Variants in KCNH1 observed in about 807,000 individuals in gnomAD.
The protein encoded by KCNH1 is potassium voltage-gated channel subfamily H member 1, also known as voltage-gated delayed rectifier potassium channel KCNH1.
Under a neutral mutation model 69.2 loss-of-function variants are expected in KCNH1, and 27 were observed. The observed-to-expected ratio is 0.39, with a 90% CI of 0.29 to 0.54. The LOEUF (loss-of-function observed/expected upper bound fraction) is 0.54. Among genes scored for constraint, KCNH1 ranks in the 20% least tolerant of loss-of-function variants. The pLI is 0.68. For synonymous variants in KCNH1, 456 were observed against 487.7 expected (o/e 0.93, Z 0.86); for missense variants, 798 against 1,261.6 (o/e 0.63, Z 5.57).
At chr1:210,697,836 C>T (rs559554042) in intron 10 of KCNH1, among the ~76,000 whole-genome samples, 15 of 152,376 alleles carry the variant, frequency 9.8e-5, no homozygotes, top group African/African-American at 3.4e-4. Flanking sequence ...GCCCGGCAAT[C>T]CTTGTTCCTG....
At chr1:211,129,078 T>G (rs1691832436) in intron 1 of KCNH1, among the ~76,000 whole-genome samples, 1 of 152,156 alleles carries the variant, frequency 6.6e-6, no homozygotes, top group African/African-American at 2.4e-5. Context: ...ATGAATTGTA[T>G]AGCATGTCCC....
chr1:211,044,664 C>T (rs1690060308), intron 5 of KCNH1, among the ~76,000 whole-genome samples: 1 of 152,046 alleles, frequency 6.6e-6, no homozygotes, highest in African/African-American at 2.4e-5. Flanking sequence ...AAAAAATGCT[C>T]AACATCACTA....
chr1:210,790,897 C>G lies in KCNH1; in HGVS notation c.1915+6611G>C, dbSNP rs371363973. 3.3e-5 allele frequency among the ~76,000 whole-genome samples: 5 copies of G among 152,294 alleles called. No homozygotes were observed. The South Asian group carries it at 1.0e-3, about 32-fold the overall frequency. On this transcript the variant is annotated intron_variant, in intron 9 of 10. Coordinates refer to ENST00000271751, the MANE Select transcript of KCNH1 (RefSeq NM_172362.3). ...CCTTTAAACTCATCCATAGACTAGCCCTGATACGCTTCCCAAGCCCCATAT... is the reference window on the plus strand; with the variant it reads ...CCTTTAAACTCATCCATAGACTAGCGCTGATACGCTTCCCAAGCCCCATAT...
At chr1:211,035,237 T>C (rs1199952295) in intron 5 of KCNH1, among the ~76,000 whole-genome samples, 2 of 15,086 alleles carry the variant, frequency 1.3e-4, no homozygotes, top group Non-Finnish European at 2.4e-4. Context: ...ACTGGCATTC[T>C]TTTTTTTTTT....
At chr1:211,104,355 A>G (rs1691316779) in intron 2 of KCNH1, among the ~76,000 whole-genome samples, 1 of 151,662 alleles carries the variant, frequency 6.6e-6, no homozygotes, top group Admixed American at 6.6e-5. Context: ...TAGACCATAG[A>G]TTTTTTTCCT....
chr1:210,753,097 A>G (rs1683315151), intron 10 of KCNH1, among the ~76,000 whole-genome samples: 2 of 152,160 alleles, frequency 1.3e-5, no homozygotes, highest in African/African-American at 4.8e-5. Flanking sequence ...CAACACCTTG[A>G]TTTCTGACCT....
Position 210,932,615 on chromosome 1 carries a change from C to T in KCNH1, c.1033-12546G>A, listed in dbSNP as rs1018014597. ...CCAACTACATGCTACCTAAAAGAAA[C>T]TCACTTCACCTGTAAAAACACACAG... On this transcript the variant is annotated intron_variant, in intron 6 of 10. Coordinates refer to ENST00000271751, the MANE Select transcript of KCNH1 (RefSeq NM_172362.3). 3.3e-5 allele frequency among the ~76,000 whole-genome samples: 5 copies of T among 151,876 alleles called. No homozygotes were observed. In the East Asian group the frequency reaches 9.7e-4, roughly 29 times the overall value.
At chr1:210,944,141 C>T (rs1687919338) in intron 6 of KCNH1, among the ~76,000 whole-genome samples, 2 of 152,182 alleles carry the variant, frequency 1.3e-5, no homozygotes, top group Admixed American at 6.5e-5. Context: ...TCTGCAGTTC[C>T]CCCAACTCTT....
At chr1:211,052,455 A>G (rs1214972906) in intron 5 of KCNH1, among the ~76,000 whole-genome samples, 9 of 152,334 alleles carry the variant, frequency 5.9e-5, no homozygotes, top group Non-Finnish European at 1.5e-5. Context: ...CTCAAAACCC[A>G]GGTACTTACA....
chr1:210,705,695 T>C (rs1216985266), intron 10 of KCNH1, among the ~76,000 whole-genome samples: 4 of 152,190 alleles, frequency 2.6e-5, no homozygotes, highest in Non-Finnish European at 4.4e-5. Context: ...TCTCCTGATC[T>C]CTCCTTGGTC....
chr1:210,737,629 A>C (rs951445906), intron 10 of KCNH1, among the ~76,000 whole-genome samples: 14 of 152,092 alleles, frequency 9.2e-5, no homozygotes, highest in African/African-American at 3.4e-4. Flanking sequence ...CAATTCCTAC[A>C]TGCCCTCTCC....
chr1:211,019,083 C>T lies in KCNH1; in HGVS notation c.732G>A (p.Arg244=). The change falls in exon 6 of 11, where the codon AGG becomes AGA. Residue 244 remains arginine, a synonymous_variant. Coordinates refer to ENST00000271751, the MANE Select transcript of KCNH1 (RefSeq NM_172362.3). ...LVPYNVSFKT[R]QNNVAWLVVD... ...CAACCAGCCAGGCCACATTATTCTG[C>T]CTGGTTTTGAAGGAGACATTATAAG... 3 of 1,613,956 alleles carry T rather than the reference C, an allele frequency of 1.9e-6. No individual in the cohort carries two copies. Among genetic ancestry groups the T allele is most frequent in the Non-Finnish European group, 2.5e-6 (3 of 1,179,950 alleles).
intron 3 of KCNH1, among the ~76,000 whole-genome samples, chr1:211,101,156 C>T (rs1239597653): frequency 2.0e-5 from 3 of 152,194 alleles, no homozygotes; most frequent in Non-Finnish European, 2.9e-5. Context: ...ACCATCAAAG[C>T]CCTTATGGCT....
chr1:210,723,366 A>G (rs1057467043), intron 10 of KCNH1, among the ~76,000 whole-genome samples: 1 of 152,128 alleles, frequency 6.6e-6, no homozygotes, highest in African/African-American at 2.4e-5. Context: ...CATGGAGTCA[A>G]TTGTGGCAGC....
intron 7 of KCNH1, among the ~76,000 whole-genome samples, chr1:210,814,454 CTA>C (rs1301717033): frequency 6.6e-6 from 1 of 152,088 alleles, no homozygotes; most frequent in African/African-American, 2.4e-5. Context: ...TGTTACCTCA[CTA>C]AGTTTATCAT....
intron 6 of KCNH1, among the ~76,000 whole-genome samples, chr1:210,938,367 G>A (rs1425988694): frequency 6.6e-6 from 1 of 152,130 alleles, no homozygotes; most frequent in African/African-American, 2.4e-5. Flanking sequence ...CCCCAAGAAG[G>A]AAGACTTTTT....
intron 7 of KCNH1, among the ~76,000 whole-genome samples, chr1:210,851,926 C>T (rs1184503064): frequency 6.6e-6 from 1 of 152,180 alleles, no homozygotes; most frequent in Non-Finnish European, 1.5e-5. Context: ...CTACTACATG[C>T]CAGGAATCAT....
At chr1:210,848,449 C>G (rs971370465) in intron 7 of KCNH1, among the ~76,000 whole-genome samples, 1 of 152,192 alleles carries the variant, frequency 6.6e-6, no homozygotes, top group Non-Finnish European at 1.5e-5. Context: ...TAACAATCTA[C>G]GTTCTAGATC....
intron 7 of KCNH1, among the ~76,000 whole-genome samples, chr1:210,867,219 A>G (rs1686128046): frequency 6.6e-6 from 1 of 151,882 alleles, no homozygotes; most frequent in African/African-American, 2.4e-5. Flanking sequence ...TCAATAATAT[A>G]CTTAAAACTA....
Sources: allele counts gnomAD v4.1 joint callset (sites outside exome capture counted in the v4.1 genomes callset), GRCh38; gene constraint gnomAD v4.1.1; transcripts MANE v1.5; gene names NCBI Gene and HGNC (gene_info 2026-07-23, HGNC 2026-07-21).